Variants in NEK6 observed in about 807,000 individuals in gnomAD.
NEK6 encodes the protein NIMA related kinase 6, also known as serine/threonine-protein kinase Nek6.
Under a neutral mutation model 43.5 loss-of-function variants are expected in NEK6, and 27 were observed. The observed-to-expected ratio is 0.62, with a 90% confidence interval of 0.46 to 0.86. The LOEUF (loss-of-function observed/expected upper bound fraction) is 0.86, where lower values mean the gene tolerates loss of function less well. Ranked by LOEUF, NEK6 falls within the 40% of genes least tolerant of loss-of-function variation. NEK6 has a pLI of 0.00. For synonymous variants in NEK6, 167 were observed against 164.1 expected (o/e 1.02, Z -0.14); for missense variants, 318 against 414.4 (o/e 0.77, Z 2.02).
chr9:124,284,625 G>T (rs182461838), intron 1 of NEK6, among the ~76,000 whole-genome samples: 53 of 152,364 alleles, frequency 3.5e-4, no homozygotes, highest in African/African-American at 1.3e-3. Flanking sequence ...GGTCTCTATG[G>T]AGTTGTTCTG....
At position 124,351,027 on chromosome 9, in the gene NEK6, T is replaced by G. The variant is rs1326303859; in HGVS notation, c.*80T>G. On this transcript the variant is annotated 3_prime_UTR_variant, in exon 10 of 10. Coordinates refer to ENST00000320246, the MANE Select transcript of NEK6 (RefSeq NM_014397.6). ...GTCTTCTCTTCGAGTGGCCACCTGG[T>G]AGCCTAGAACAGCTAAGACCACAGG... is the stretch of plus-strand genomic sequence containing the variant. 1.0e-6 allele frequency: 1 copy of G among 961,658 alleles called. No individual in the cohort carries two copies. The highest frequency in any genetic ancestry group is 2.6e-5 in the East Asian group (1 of 38,894). 59.6% of individuals were successfully genotyped at this position (961,658 alleles called of 1,614,324 possible).
chr9:124,314,995 C>T (rs768666674), intron 4 of NEK6, among the ~76,000 whole-genome samples: 40 of 152,246 alleles, frequency 2.6e-4, no homozygotes, highest in Non-Finnish European at 4.6e-4. Context: ...CGGCAGTTTC[C>T]AGCAAAGTGG....
chr9:124,259,169 GCTCT>G (rs1355787423), intron 1 of NEK6: 5 of 152,228 alleles, frequency 3.3e-5, no homozygotes, highest in Non-Finnish European at 7.3e-5. Context: ...GTGTGTGCGT[GCTCT>G]CTAACTGTTG....
intron 7 of NEK6, among the ~76,000 whole-genome samples, chr9:124,337,164 C>G (rs762254060): frequency 2.0e-5 from 3 of 152,242 alleles, no homozygotes; most frequent in Non-Finnish European, 4.4e-5. Context: ...GGAGAGCTCA[C>G]TGCTTCAGGA....
chr9:124,272,006 T>C (rs1057300782), intron 1 of NEK6, among the ~76,000 whole-genome samples: 1 of 152,240 alleles, frequency 6.6e-6, no homozygotes, highest in African/African-American at 2.4e-5. Flanking sequence ...CACTCAGGCC[T>C]CTGTTTTCCC....
At chr9:124,259,895 C>T (rs1383271549) in intron 1 of NEK6, among the ~76,000 whole-genome samples, 1 of 152,128 alleles carries the variant, frequency 6.6e-6, no homozygotes, top group Non-Finnish European at 1.5e-5. Context: ...GTTTGGGTTT[C>T]CAGAAATGGA....
chr9:124,338,053 T>C (rs933200292), intron 7 of NEK6, among the ~76,000 whole-genome samples: 1 of 152,222 alleles, frequency 6.6e-6, no homozygotes, highest in Non-Finnish European at 1.5e-5. Context: ...TGATCTCGGC[T>C]CACTGCAGCC....
chr9:124,318,915 C>T (rs1249507982), intron 4 of NEK6, among the ~76,000 whole-genome samples: 5 of 152,096 alleles, frequency 3.3e-5, no homozygotes. Flanking sequence ...AGGTGATCCA[C>T]CCACCTTGGC....
At chr9:124,316,421 A>G (rs369620169) in intron 4 of NEK6, among the ~76,000 whole-genome samples, 2 of 152,358 alleles carry the variant, frequency 1.3e-5, no homozygotes, top group African/African-American at 4.8e-5. Flanking sequence ...GCTTGGGAGC[A>G]GAGCCCCTGA....
rs1215617900 is a variant in NEK6, at chr9:124,339,503, C to A, written c.623-68C>A. ...CAGCTCCCGTGTGCCCTCCCTCCAA[C>A]CTCACCTCTGTGCCCTGCCCCTGCC... On this transcript the variant is annotated intron_variant, in intron 7 of 9. Coordinates refer to ENST00000320246, the MANE Select transcript of NEK6 (RefSeq NM_014397.6). 3 of 1,143,976 alleles carry A rather than the reference C, an allele frequency of 2.6e-6. No homozygotes were observed. The African/African-American group carries it at 4.5e-5, about 17-fold the overall frequency. The allele number at this position is 1,143,976 out of a possible 1,614,324, so 70.9% of individuals were successfully genotyped here.
chr9:124,297,421 T>G (rs1275432036), intron 1 of NEK6, among the ~76,000 whole-genome samples: 7 of 152,194 alleles, frequency 4.6e-5, no homozygotes, highest in Non-Finnish European at 1.0e-4. Context: ...GCAGCATGGT[T>G]AGATGAAACC....
At chr9:124,298,340 G>A (rs73666851) in intron 1 of NEK6, among the ~76,000 whole-genome samples, 2,429 of 152,096 alleles carry the variant, frequency 0.016, 73 homozygotes, top group African/African-American at 0.055. Context: ...AACACCTGCC[G>A]GCTCCTCCCT....
chr9:124,269,512 T>A (rs191439923), intron 1 of NEK6, among the ~76,000 whole-genome samples: 8 of 152,256 alleles, frequency 5.3e-5, no homozygotes, highest in African/African-American at 1.9e-4. Flanking sequence ...TAGCTGGGAT[T>A]ACAGGCACCC....
In NEK6 at chr9:124,312,429, G is replaced by T. The variant is rs959344344; in HGVS notation, c.91-80G>T. ...CCTTCACCTTAGAGGGTGCTGTTGGGGTGCTGGGCCTCTAGGGGTCGTCCC... is the reference window on the plus strand; with the variant it reads ...CCTTCACCTTAGAGGGTGCTGTTGGTGTGCTGGGCCTCTAGGGGTCGTCCC... On this transcript the variant is annotated intron_variant, in intron 2 of 9. Transcript: ENST00000320246. 2.7e-6 allele frequency: 4 copies of T among 1,458,658 alleles called. No homozygotes were observed. In the African/African-American group the frequency reaches 4.2e-5, roughly 15 times the overall value. The allele number at this position is 1,458,658 out of a possible 1,614,324, so 90.4% of individuals were successfully genotyped here.
At chr9:124,307,229 T>G (rs1240507389) in intron 2 of NEK6, among the ~76,000 whole-genome samples, 1 of 151,896 alleles carries the variant, frequency 6.6e-6, no homozygotes, top group Non-Finnish European at 1.5e-5. Flanking sequence ...CCTAATTTGA[T>G]CTGACTTGGA....
At chr9:124,279,504 T>C (rs1016999484) in intron 1 of NEK6, among the ~76,000 whole-genome samples, 5 of 152,132 alleles carry the variant, frequency 3.3e-5, no homozygotes, top group South Asian at 2.1e-4. Context: ...GGTTTCACCA[T>C]GTTGGCCAGG....
rs555296148 is a variant in NEK6 at position 124,293,112 on chromosome 9, G to A, written c.-29-8824G>A. ...TAGAGTGAGACCGCAGCTCTCCCCA[G>A]CTGCATTGTGGTCACCAAGGATCAC... On this transcript the variant is annotated intron_variant, in intron 1 of 9. Transcript: ENST00000320246. The A allele has an allele frequency of 2.3e-6, 3 of 1,305,826 alleles. No individual in the cohort carries two copies. The Admixed American group carries it at 1.1e-4, about 49-fold the overall frequency. The allele number at this position is 1,305,826 out of a possible 1,614,324, so 80.9% of individuals were successfully genotyped here.
At chr9:124,269,462 C>T (rs369507917) in intron 1 of NEK6, among the ~76,000 whole-genome samples, 1 of 152,072 alleles carries the variant, frequency 6.6e-6, no homozygotes, top group East Asian at 1.9e-4. Flanking sequence ...CAACCTCTGC[C>T]TCCCGGGTTC....
At chr9:124,322,695 C>T (rs1834132047) in intron 5 of NEK6, among the ~76,000 whole-genome samples, 1 of 152,262 alleles carries the variant, frequency 6.6e-6, no homozygotes, top group South Asian at 2.1e-4. Flanking sequence ...TGGATGCAGC[C>T]TGCCTGCTCC....
Sources: allele counts gnomAD v4.1 joint callset (sites outside exome capture counted in the v4.1 genomes callset), GRCh38; gene constraint gnomAD v4.1.1; transcripts MANE v1.5; gene names NCBI Gene and HGNC (gene_info 2026-07-23, HGNC 2026-07-21).